The following RUNX1T1 variants were observed in gnomAD, a reference collection of about 807,000 sequenced individuals.
The protein encoded by RUNX1T1 is protein CBFA2T1.
A neutral mutation model predicts 62.8 loss-of-function variants in RUNX1T1; 4 were observed. That is an observed-to-expected ratio of 0.06 (90% CI 0.03 to 0.15). The LOEUF is 0.15. Among genes scored for constraint, RUNX1T1 ranks in the 10% least tolerant of loss-of-function variants. The pLI, the probability that RUNX1T1 is intolerant of heterozygous loss-of-function variation, is 1.00. For synonymous variants in RUNX1T1, 291 were observed against 286.0 expected, an observed-to-expected ratio of 1.02 and a Z score of -0.18; for missense variants, 508 against 754.3, an observed-to-expected ratio of 0.67 and a Z score of 3.82.
At chr8:92,064,795 C>T (rs553132222), upstream of RUNX1T1, among the ~76,000 whole-genome samples, 5 of 152,214 alleles carry the variant, frequency 3.3e-5, no homozygotes, top group South Asian at 2.1e-4. Context: ...GTCTTAATAT[C>T]GGTACACTGC....
chr8:92,060,444 A>T (rs1053155524), intron 1 of RUNX1T1, among the ~76,000 whole-genome samples: 10 of 149,510 alleles, frequency 6.7e-5, no homozygotes, highest in South Asian at 6.3e-4. Context: ...TCAATTTTAT[A>T]AAAAAAGGCC....
At chr8:92,062,234 A>C (rs1832153476) in intron 1 of RUNX1T1, among the ~76,000 whole-genome samples, 1 of 152,186 alleles carries the variant, frequency 6.6e-6, no homozygotes, top group South Asian at 2.1e-4. Context: ...CAGAAACAAT[A>C]CTTCTTACTT....
intron 2 of RUNX1T1, 139 bp from the exon 4 acceptor site, chr8:92,014,959 A>C: frequency 1.2e-6 from 1 of 820,364 alleles, no homozygotes; most frequent in Non-Finnish European, 1.8e-6. Context: ...AAATGCTTGG[A>C]CTTCACAGGG....
intron 1 of RUNX1T1, among the ~76,000 whole-genome samples, chr8:92,090,591 G>A (rs1836837986): frequency 6.6e-6 from 1 of 152,182 alleles, no homozygotes; most frequent in Non-Finnish European, 1.5e-5. Flanking sequence ...AGTATCCAAG[G>A]ATATGTCAGC....
chr8:92,027,853 C>T (rs936357254), intron 1 of RUNX1T1, among the ~76,000 whole-genome samples: 1 of 152,024 alleles, frequency 6.6e-6, no homozygotes, highest in Admixed American at 6.6e-5. Flanking sequence ...TTTGGCTCAT[C>T]TCCATACAGG....
At chr8:92,001,636 G>T (rs1457874059) in intron 5 of RUNX1T1, among the ~76,000 whole-genome samples, 1 of 151,874 alleles carries the variant, frequency 6.6e-6, no homozygotes, top group Non-Finnish European at 1.5e-5. Context: ...GATAGTAGGG[G>T]GTACAAAATG....
intron 8 of RUNX1T1, among the ~76,000 whole-genome samples, chr8:91,979,090 T>C (rs1302454886): frequency 6.6e-6 from 1 of 152,172 alleles, no homozygotes; most frequent in Non-Finnish European, 1.5e-5. Flanking sequence ...AAACATCAGG[T>C]CTACCAACAG....
intron 2 of RUNX1T1, among the ~76,000 whole-genome samples, chr8:92,073,767 G>A (rs1464593063): frequency 1.3e-5 from 2 of 152,110 alleles, no homozygotes; most frequent in South Asian, 2.1e-4. Context: ...TGCAATCATC[G>A]CTCACTGCAG....
chr8:92,084,932 AAG>A (rs1835864440), intron 1 of RUNX1T1, among the ~76,000 whole-genome samples: 1 of 152,232 alleles, frequency 6.6e-6, no homozygotes, highest in South Asian at 2.1e-4. Flanking sequence ...GAAGCAGCCA[AAG>A]AGAGACTACT....
intron 1 of RUNX1T1, among the ~76,000 whole-genome samples, chr8:92,026,087 C>T (rs553382527): frequency 2.6e-5 from 4 of 152,274 alleles, no homozygotes; most frequent in African/African-American, 9.6e-5. Flanking sequence ...CTTTTTTCTA[C>T]ATTCTACAAG....
At chr8:92,000,134 C>T (rs1444033004) in intron 5 of RUNX1T1, among the ~76,000 whole-genome samples, 1 of 151,858 alleles carries the variant, frequency 6.6e-6, no homozygotes, top group Non-Finnish European at 1.5e-5. Context: ...GGTGAAACCC[C>T]GTCTCTGGTA....
At chr8:91,968,626 C>T (rs183871365) in intron 10 of RUNX1T1, among the ~76,000 whole-genome samples, 44 of 152,206 alleles carry the variant, frequency 2.9e-4, no homozygotes, top group African/African-American at 1.1e-3. Flanking sequence ...GGTCCTTGCA[C>T]TTTAAAGAAT....
rs576057990 is a variant in RUNX1T1, at chr8:92,070,046, C to A, written c.88+5919G>T. Among the ~76,000 whole-genome samples, 25 of 152,298 alleles carry A rather than the reference C, an allele frequency of 1.6e-4. 1 individual carries two copies. In the East Asian group the frequency reaches 4.2e-3, roughly 26 times the overall value. Reference sequence around the variant, plus strand: ...CAGATTGTTTTTCTTGCATTTCAGTCCACACTTACTGAGCACCCTCAGTGC... The same window carrying A: ...CAGATTGTTTTTCTTGCATTTCAGTACACACTTACTGAGCACCCTCAGTGC... On this transcript the variant is annotated intron_variant, in intron 2 of 11. Transcript: ENST00000265814.
chr8:92,050,683 C>G (rs1239792983), intron 1 of RUNX1T1, among the ~76,000 whole-genome samples: 1 of 152,178 alleles, frequency 6.6e-6, no homozygotes, highest in East Asian at 1.9e-4. Context: ...CATGGTGCGT[C>G]AATGGATTTA....
chr8:92,080,563 A>C (rs529904711), intron 1 of RUNX1T1, among the ~76,000 whole-genome samples: 1 of 152,380 alleles, frequency 6.6e-6, no homozygotes, highest in Admixed American at 6.5e-5. Context: ...GCATTGGATT[A>C]TCTCACAATT....
At chr8:91,959,999 T>C (rs1586675088) in exon 11 of RUNX1T1, 2 of 548,822 alleles carry the variant, frequency 3.6e-6, no homozygotes, top group East Asian at 6.1e-5. Context: ...TCTGCTCTCT[T>C]TTCAGTTCTC....
downstream of RUNX1T1, chr8:91,955,176 A>G (rs1026078087): frequency 3.7e-5 from 8 of 216,704 alleles, no homozygotes; most frequent in Non-Finnish European, 6.5e-5. Flanking sequence ...GAAGTCTCAT[A>G]CTGTTCGCGT....
At chr8:91,960,626 A>G in intron 10 of RUNX1T1, 109 bp from the exon 12 acceptor site, 2 of 1,191,874 alleles carry the variant, frequency 1.7e-6, no homozygotes, top group Non-Finnish European at 2.4e-6. Flanking sequence ...AGAACTATAC[A>G]GTCAGGATGA....
At chr8:92,040,963 C>T (rs1228368110) in intron 1 of RUNX1T1, among the ~76,000 whole-genome samples, 1 of 152,136 alleles carries the variant, frequency 6.6e-6, no homozygotes, top group East Asian at 1.9e-4. Flanking sequence ...CCCACTTCAG[C>T]CTCCCAAAGT....
Sources: gnomAD v4.1 joint callset for allele counts (sites outside exome capture counted in the v4.1 genomes callset) on GRCh38, gnomAD v4.1.1 for gene constraint, MANE v1.5 for transcripts, NCBI Gene and HGNC (gene_info 2026-07-23, HGNC 2026-07-21) for gene names.